Variants in RYR2 observed in about 807,000 individuals in gnomAD.
RYR2 encodes the protein cardiac muscle ryanodine receptor-calcium release channel.
Under a neutral mutation model 601.1 loss-of-function variants are expected in RYR2, and 227 were observed. The ratio of observed to expected loss-of-function variants is 0.38; its 90% CI spans 0.34 to 0.42. The LOEUF (loss-of-function observed/expected upper bound fraction) is 0.42. Among genes scored for constraint, RYR2 ranks in the 10% least tolerant of loss-of-function variants. The probability of loss-of-function intolerance (pLI) is 1.00; values close to 1 mark genes in which losing one functional copy is unlikely to be tolerated. For missense variants in RYR2, 4,646 were observed against 6,156.5 expected (o/e 0.75, Z 8.21); for synonymous variants, 2,223 against 2,175.1 (o/e 1.02, Z -0.61).
intron 23 of RYR2, among the ~76,000 whole-genome samples, chr1:237,510,571 A>G (rs3766841): frequency 0.22 from 33,574 of 152,144 alleles, 4,110 homozygotes; most frequent in African/African-American, 0.34. Context: ...AATGATGACC[A>G]GAAAGAAAGG....
chr1:237,565,252 C>T (rs963883576), intron 27 of RYR2, among the ~76,000 whole-genome samples: 1 of 142,954 alleles, frequency 7.0e-6, no homozygotes, highest in Non-Finnish European at 1.5e-5. Context: ...CTCTCTCTCT[C>T]TTTCTTTCTC....
intron 24 of RYR2, among the ~76,000 whole-genome samples, chr1:237,514,722 G>A (rs1666247374): frequency 6.6e-6 from 1 of 152,094 alleles, no homozygotes; most frequent in South Asian, 2.1e-4. Flanking sequence ...TTGGTCCACC[G>A]AGGAAATGTT....
At chr1:237,562,245 T>C (rs2779394) in intron 27 of RYR2, among the ~76,000 whole-genome samples, 128,872 of 152,180 alleles carry the variant, frequency 0.85, 55,917 homozygotes, top group South Asian at 0.94. Context: ...ATTTGAATTG[T>C]TTTATCCAAA....
chr1:237,580,482 A>G (rs1168123224), intron 29 of RYR2, among the ~76,000 whole-genome samples: 1 of 151,650 alleles, frequency 6.6e-6, no homozygotes, highest in Non-Finnish European at 1.5e-5. Flanking sequence ...AAAAAAAAAA[A>G]ATGAAGAAAT....
intron 40 of RYR2, 51 bp from the exon 41 acceptor site, chr1:237,627,756 A>T: frequency 6.7e-7 from 1 of 1,499,572 alleles, no homozygotes; most frequent in East Asian, 2.5e-5. Flanking sequence ...TGTCCAACTG[A>T]TTTGTCTTCT....
chr1:237,341,440 AAAC>A (rs1273715287), intron 3 of RYR2, among the ~76,000 whole-genome samples: 10 of 152,120 alleles, frequency 6.6e-5, no homozygotes, highest in African/African-American at 2.2e-4. Context: ...ACAAAAGCAA[AAAC>A]AACAATTAAC....
At chr1:237,663,690 A>G (rs1013415604) in intron 56 of RYR2, among the ~76,000 whole-genome samples, 1 of 152,224 alleles carries the variant, frequency 6.6e-6, no homozygotes, top group Non-Finnish European at 1.5e-5. Flanking sequence ...ATCACTTAAA[A>G]GAATAACTGG....
intron 79 of RYR2, among the ~76,000 whole-genome samples, chr1:237,741,356 A>G (rs1691589340): frequency 6.6e-6 from 1 of 152,108 alleles, no homozygotes; most frequent in Non-Finnish European, 1.5e-5. Context: ...AATTAAAAAT[A>G]TGTTTATGAT....
intron 2 of RYR2, among the ~76,000 whole-genome samples, chr1:237,274,581 A>G (rs1690069897): frequency 6.6e-6 from 1 of 152,186 alleles, no homozygotes; most frequent in South Asian, 2.1e-4. Context: ...TTAATTTATC[A>G]TTGAACAAAG....
At chr1:237,311,829 T>C (rs1364750158) in intron 2 of RYR2, among the ~76,000 whole-genome samples, 1 of 152,190 alleles carries the variant, frequency 6.6e-6, no homozygotes, top group Non-Finnish European at 1.5e-5. Flanking sequence ...TAGTGGAAGA[T>C]AAAAAGTCAT....
At chr1:237,439,286 C>A (rs1273124593) in intron 12 of RYR2, among the ~76,000 whole-genome samples, 2 of 152,164 alleles carry the variant, frequency 1.3e-5, no homozygotes, top group Non-Finnish European at 2.9e-5. Context: ...AGCAAGTGTT[C>A]TCACTTATTT....
intron 1 of RYR2, among the ~76,000 whole-genome samples, chr1:237,242,068 T>C (rs895058134): frequency 2.6e-5 from 4 of 152,204 alleles, no homozygotes; most frequent in Non-Finnish European, 5.9e-5. Flanking sequence ...TCTTCTTGAC[T>C]ATTTTAAGGA....
At chr1:237,254,170 A>G (rs975629744) in intron 1 of RYR2, among the ~76,000 whole-genome samples, 1 of 152,092 alleles carries the variant, frequency 6.6e-6, no homozygotes, top group Non-Finnish European at 1.5e-5. Flanking sequence ...TTATTCTCCT[A>G]TGATGGTATA....
chr1:237,800,217 C>T (rs1014414497), intron 97 of RYR2: 2 of 152,006 alleles, frequency 1.3e-5, no homozygotes, highest in Non-Finnish European at 2.9e-5. Context: ...CTGATATAAA[C>T]CATTATTCTG....
intron 84 of RYR2, among the ~76,000 whole-genome samples, chr1:237,762,951 CTTTA>C (rs1693547779): frequency 6.6e-6 from 1 of 152,058 alleles, no homozygotes; most frequent in South Asian, 2.1e-4. Flanking sequence ...TTATTTGCTC[CTTTA>C]TTTGTTGTTA....
chr1:237,382,711 A>C lies in RYR2; in HGVS notation c.577-4570A>C, dbSNP rs1039690055. 7.2e-5 allele frequency among the ~76,000 whole-genome samples: 11 copies of C among 152,078 alleles called. 1 individual carries two copies. The highest frequency in any genetic ancestry group is 1.6e-4 in the Non-Finnish European group (11 of 68,014). On this transcript the variant is annotated intron_variant, in intron 8 of 104. Coordinates refer to ENST00000366574, the MANE Select transcript of RYR2 (RefSeq NM_001035.3). ...AAATATAGATAATTATTGATTGCATAATAAATTGCTGAACTGCCTCAAGTT... is the reference window on the plus strand; with the variant it reads ...AAATATAGATAATTATTGATTGCATCATAAATTGCTGAACTGCCTCAAGTT...
rs1330138959 is a variant in RYR2, at chr1:237,268,514, T to G, written c.49-1983T>G. On this transcript the variant is annotated intron_variant, in intron 1 of 104. Coordinates refer to ENST00000366574, the MANE Select transcript of RYR2 (RefSeq NM_001035.3). ...CAGATTATTTTTTAAAGCAAACAAA[T>G]GAATGTTCACTGGAAATCAGTGAGC... 1.3e-5 allele frequency among the ~76,000 whole-genome samples: 2 copies of G among 152,124 alleles called. 1 individual carries two copies. The highest frequency in any genetic ancestry group is 2.9e-5 in the Non-Finnish European group (2 of 68,022).
At chr1:237,309,742 T>C (rs1392283470) in intron 2 of RYR2, among the ~76,000 whole-genome samples, 1 of 152,132 alleles carries the variant, frequency 6.6e-6, no homozygotes, top group Admixed American at 6.5e-5. Flanking sequence ...GGCTCGGGCA[T>C]GGCAGGCTGC....
chr1:237,308,751 G>A (rs548332738), intron 2 of RYR2, among the ~76,000 whole-genome samples: 27 of 152,320 alleles, frequency 1.8e-4, no homozygotes, highest in African/African-American at 6.3e-4. Context: ...TGCAAGGCGT[G>A]AAAGAACAAA....
Sources: gnomAD v4.1 joint callset for allele counts (sites outside exome capture counted in the v4.1 genomes callset) on GRCh38, gnomAD v4.1.1 for gene constraint, MANE v1.5 for transcripts, NCBI Gene and HGNC (gene_info 2026-07-23, HGNC 2026-07-21) for gene names.